DENND11: variants seen among roughly 807,000 people sequenced by gnomAD.
DENND11 encodes DENN domain containing 11.
DENND11 carries 34 observed loss-of-function variants against 49.2 expected under a neutral mutation model. The ratio of observed to expected loss-of-function variants is 0.69; its 90% CI spans 0.53 to 0.92. The LOEUF is 0.92. Among genes scored for constraint, DENND11 ranks in the 40% least tolerant of loss-of-function variants. The pLI is 0.00. For synonymous variants in DENND11, 238 were observed against 230.3 expected (o/e 1.03, Z -0.30); for missense variants, 475 against 581.6 (o/e 0.82, Z 1.88).
At position 141,665,171 on chromosome 7, in the gene DENND11, A is replaced by C; in HGVS notation, c.952+16T>G. ...TGGGACCTGAGGGCAAGATGAGGGG[A>C]GGGCCCCGTACTCACAGGCCACATA... is the stretch of plus-strand genomic sequence containing the variant. On this transcript the variant is annotated intron_variant, in intron 6 of 8. Transcript: ENST00000536163. 1 of 1,612,608 alleles carries C rather than the reference A, an allele frequency of 6.2e-7. No homozygotes were observed. The highest frequency in any genetic ancestry group is 8.5e-7 in the Non-Finnish European group (1 of 1,179,326).
chr7:141,672,261 G>A (rs1797994572), intron 4 of DENND11, among the ~76,000 whole-genome samples: 1 of 152,170 alleles, frequency 6.6e-6, no homozygotes, highest in Admixed American at 6.5e-5. Flanking sequence ...AGTCCCCAGT[G>A]ATCCCCACCT....
chr7:141,699,400 T>C (rs777355406), intron 1 of DENND11, among the ~76,000 whole-genome samples: 3 of 152,188 alleles, frequency 2.0e-5, no homozygotes, highest in Non-Finnish European at 4.4e-5. Flanking sequence ...CTACATCTCC[T>C]ACTTTTAAGA....
chr7:141,696,915 A>C (rs1277835219), intron 1 of DENND11, among the ~76,000 whole-genome samples: 1 of 152,212 alleles, frequency 6.6e-6, no homozygotes. Flanking sequence ...ATCCAAAGCA[A>C]AGAGAAAAGC....
rs932831203 is a variant in DENND11, at chr7:141,657,593, T to G, written c.*5063A>C. 3.3e-5 allele frequency: 5 copies of G among 152,404 alleles called. No homozygotes were observed. Among genetic ancestry groups the G allele is most frequent in the Non-Finnish European group, 7.3e-5 (5 of 68,042 alleles). The allele number at this position is 152,404 out of a possible 1,614,324, so 9.4% of individuals were successfully genotyped here. ...ACTGGCCTTAGAAAGCAAAGTAAAT[T>G]TATTGTTAGTCTAAATAAGCATTCT... On this transcript the variant is annotated 3_prime_UTR_variant, in exon 9 of 9. Transcript: ENST00000536163.
intron 4 of DENND11, 28 bp downstream of exon 4, chr7:141,674,039 A>G: frequency 6.3e-7 from 1 of 1,596,790 alleles, no homozygotes; most frequent in Non-Finnish European, 8.5e-7. Flanking sequence ...GATCCAGTAT[A>G]GTGTAAGAAA....
chr7:141,683,939 T>A (rs181481849), intron 3 of DENND11, among the ~76,000 whole-genome samples: 11 of 152,326 alleles, frequency 7.2e-5, no homozygotes, highest in Admixed American at 6.5e-4. Flanking sequence ...TTTATTTTTT[T>A]ATTTTTTAAA....
intron 3 of DENND11, among the ~76,000 whole-genome samples, chr7:141,675,612 C>CGTG (rs1170187332): frequency 2.0e-5 from 3 of 152,276 alleles, no homozygotes; most frequent in East Asian, 3.9e-4. Flanking sequence ...GCTGCCACAC[C>CGTG]GCCTCTGCAA....
intron 1 of DENND11, among the ~76,000 whole-genome samples, chr7:141,692,418 G>T (rs1798340739): frequency 6.6e-6 from 1 of 152,180 alleles, no homozygotes; most frequent in South Asian, 2.1e-4. Flanking sequence ...AGGTATTGGT[G>T]AAATATCAGA....
At chr7:141,688,682 A>G (rs1798281401) in intron 1 of DENND11, among the ~76,000 whole-genome samples, 1 of 152,098 alleles carries the variant, frequency 6.6e-6, no homozygotes, top group South Asian at 2.1e-4. Context: ...CCTACCATCC[A>G]TGTCTATTAC....
chr7:141,690,930 C>A (rs1348276732), intron 1 of DENND11, among the ~76,000 whole-genome samples: 3 of 151,938 alleles, frequency 2.0e-5, no homozygotes, highest in Non-Finnish European at 4.4e-5. Flanking sequence ...TATCTTAAAT[C>A]TTTTTAAAAG....
chr7:141,700,950 C>T (rs945211344), intron 1 of DENND11, among the ~76,000 whole-genome samples: 5 of 152,092 alleles, frequency 3.3e-5, no homozygotes, highest in Admixed American at 3.3e-4. Context: ...GACAGTCACA[C>T]CTGGGTTTCC....
chr7:141,688,095 A>G (rs892516183), intron 1 of DENND11, among the ~76,000 whole-genome samples: 1 of 152,158 alleles, frequency 6.6e-6, no homozygotes, highest in Non-Finnish European at 1.5e-5. Flanking sequence ...TAGGATTTTA[A>G]AAGTACAAGC....
rs869107786 is a variant in DENND11, at chr7:141,685,012, C to CA, written c.527+465dup. Among the ~76,000 whole-genome samples, 359 of 40,204 alleles carry CA rather than the reference C, an allele frequency of 8.9e-3. 10 individuals carry two copies. Among genetic ancestry groups the CA allele is most frequent in the Non-Finnish European group, 0.01 (223 of 21,320 alleles). The allele number at this position is 40,204 out of a possible 152,430, so 26.4% of individuals were successfully genotyped here. A position where few individuals can be genotyped will look rare whatever the true frequency, so the allele number is the denominator to read the frequency against. On this transcript the variant is annotated intron_variant, in intron 3 of 8. Coordinates refer to ENST00000536163, the MANE Select transcript of DENND11 (RefSeq NM_001080392.2). ...CAATATAGTAAGAGCCTGTCTCTAC[C>CA]AAAAAAAAAAAAAAAAAATATATAT...
chr7:141,668,476 C>T (rs1797928418), intron 4 of DENND11, among the ~76,000 whole-genome samples: 1 of 152,182 alleles, frequency 6.6e-6, no homozygotes, highest in African/African-American at 2.4e-5. Context: ...ATCCCAGCTA[C>T]TTGGGAGGCT....
intron 3 of DENND11, among the ~76,000 whole-genome samples, chr7:141,675,059 A>G (rs886920722): frequency 1.3e-5 from 2 of 152,230 alleles, no homozygotes; most frequent in Non-Finnish European, 2.9e-5. Flanking sequence ...TTTGGATAGC[A>G]TCTTTACATA....
At chr7:141,701,767 T>TGGTGCGG (rs1389765898) in intron 1 of DENND11, 119 bp downstream of exon 1, 44 of 862,194 alleles carry the variant, frequency 5.1e-5, no homozygotes, top group Non-Finnish European at 8.8e-6. Flanking sequence ...GGGCCGGCCC[T>TGGTGCGG]GGTGCGGGGT....
rs192106029 is a variant in DENND11, at chr7:141,685,832, G to A, written c.369-196C>T. Among the ~76,000 whole-genome samples, 17 of 152,310 alleles carry A rather than the reference G, an allele frequency of 1.1e-4. No individual in the cohort carries two copies. In the East Asian group the frequency reaches 3.3e-3, roughly 29 times the overall value. ...TAACTTGCCAAGGGTCACTTGGCTGGAGCTGGGACTTAGTCCGTGGCAAGC... is the reference window on the plus strand; with the variant it reads ...TAACTTGCCAAGGGTCACTTGGCTGAAGCTGGGACTTAGTCCGTGGCAAGC... On this transcript the variant is annotated intron_variant, in intron 2 of 8. Coordinates refer to ENST00000536163, the MANE Select transcript of DENND11 (RefSeq NM_001080392.2).
chr7:141,660,832 G>T lies in DENND11; in HGVS notation c.*1824C>A, dbSNP rs575808047. ...GAATAAAAGGTGAGGCTTCAACCTC[G>T]AAACACAGATTTTTTTTTCTTTTGT... On this transcript the variant is annotated 3_prime_UTR_variant, in exon 9 of 9. Coordinates refer to ENST00000536163, the MANE Select transcript of DENND11 (RefSeq NM_001080392.2). 1.3e-5 allele frequency: 2 copies of T among 152,582 alleles called. No individual in the cohort carries two copies. The highest frequency in any genetic ancestry group is 1.3e-4 in the Admixed American group (2 of 15,280). 9.5% of individuals were successfully genotyped at this position (152,582 alleles called of 1,614,324 possible).
chr7:141,664,372 G>T, intron 7 of DENND11, 132 bp from the exon 8 acceptor site: 1 of 663,816 alleles, frequency 1.5e-6, no homozygotes, highest in Non-Finnish European at 2.7e-6. Context: ...GGATCAACAG[G>T]GTTTGGACTC....
Sources: allele counts gnomAD v4.1 joint callset (sites outside exome capture counted in the v4.1 genomes callset), GRCh38; gene constraint gnomAD v4.1.1; transcripts MANE v1.5; gene names NCBI Gene and HGNC (gene_info 2026-07-23, HGNC 2026-07-21).